Variants in ZNF385D observed in about 807,000 individuals in gnomAD.
The protein encoded by ZNF385D is zinc finger protein 659.
A neutral mutation model predicts 35.8 loss-of-function variants in ZNF385D; 15 were observed. The observed-to-expected ratio is 0.42, with a 90% confidence interval of 0.28 to 0.64. The LOEUF is 0.64. Among genes scored for constraint, ZNF385D ranks in the 30% least tolerant of loss-of-function variants. The pLI is 0.23. For missense variants in ZNF385D, 474 were observed against 494.6 expected, an observed-to-expected ratio of 0.96 and a Z score of 0.39; for synonymous variants, 212 against 186.8, an observed-to-expected ratio of 1.13 and a Z score of -1.10.
intron 3 of ZNF385D, among the ~76,000 whole-genome samples, chr3:21,759,578 A>G (rs1484403331): frequency 6.6e-6 from 1 of 152,176 alleles, no homozygotes; most frequent in Non-Finnish European, 1.5e-5. Flanking sequence ...TGGTGACACA[A>G]TAACATGAGT....
At chr3:21,981,644 A>G (rs1694458326) in intron 3 of ZNF385D, among the ~76,000 whole-genome samples, 1 of 152,090 alleles carries the variant, frequency 6.6e-6, no homozygotes, top group South Asian at 2.1e-4. Context: ...GCCTGTTCCT[A>G]TGTCCAGGGT....
chr3:21,467,904 C>G (rs1464424603), intron 4 of ZNF385D, among the ~76,000 whole-genome samples: 2 of 151,970 alleles, frequency 1.3e-5, no homozygotes, highest in Non-Finnish European at 2.9e-5. Flanking sequence ...GTAACACACA[C>G]TAGGGAGGCT....
intron 2 of ZNF385D, among the ~76,000 whole-genome samples, chr3:22,265,989 G>T (rs1378157359): frequency 6.6e-6 from 1 of 151,762 alleles, no homozygotes; most frequent in Non-Finnish European, 1.5e-5. Flanking sequence ...TCTATACTGG[G>T]ACCAGCTAAC....
intron 3 of ZNF385D, among the ~76,000 whole-genome samples, chr3:22,023,605 T>C (rs1697353084): frequency 1.3e-5 from 2 of 152,126 alleles, no homozygotes; most frequent in African/African-American, 2.4e-5. Flanking sequence ...ATGGAGAGAA[T>C]TTAATCAAAA....
chr3:21,914,102 A>G (rs1474990575), intron 3 of ZNF385D, among the ~76,000 whole-genome samples: 1 of 152,086 alleles, frequency 6.6e-6, no homozygotes, highest in Non-Finnish European at 1.5e-5. Context: ...AGACACATGT[A>G]GCCTACAGTT....
intron 3 of ZNF385D, among the ~76,000 whole-genome samples, chr3:21,923,626 G>T (rs1700584095): frequency 6.6e-6 from 1 of 152,166 alleles, no homozygotes. Flanking sequence ...ATCAGTGGTG[G>T]ACTGGATAAA....
At chr3:22,170,468 T>C (rs1027409581) in intron 2 of ZNF385D, among the ~76,000 whole-genome samples, 3 of 152,232 alleles carry the variant, frequency 2.0e-5, no homozygotes, top group Admixed American at 6.5e-5. Context: ...TTGAAGTCAC[T>C]ATCCAAATTC....
chr3:21,797,197 A>T (rs950540843), intron 3 of ZNF385D, among the ~76,000 whole-genome samples: 3 of 152,272 alleles, frequency 2.0e-5, no homozygotes, highest in Non-Finnish European at 2.9e-5. Flanking sequence ...ACCTCAGCAA[A>T]GAATACATAC....
At chr3:21,725,097 A>C (rs976370499) in intron 1 of ZNF385D, among the ~76,000 whole-genome samples, 3 of 152,196 alleles carry the variant, frequency 2.0e-5, no homozygotes, top group Non-Finnish European at 2.9e-5. Context: ...ATAAATAACA[A>C]AATGAGGGCA....
intron 3 of ZNF385D, among the ~76,000 whole-genome samples, chr3:22,063,564 A>C (rs946223480): frequency 6.6e-6 from 1 of 152,200 alleles, no homozygotes; most frequent in Admixed American, 6.5e-5. Flanking sequence ...CAATAGTTAC[A>C]TTACAAATAA....
At chr3:21,843,022 A>G (rs1360227640) in intron 3 of ZNF385D, among the ~76,000 whole-genome samples, 1 of 152,088 alleles carries the variant, frequency 6.6e-6, no homozygotes, top group Admixed American at 6.6e-5. Flanking sequence ...CTTATTTGAA[A>G]TAGTTTAGCA....
chr3:22,198,258 G>C (rs950992555), intron 2 of ZNF385D, among the ~76,000 whole-genome samples: 7 of 152,048 alleles, frequency 4.6e-5, no homozygotes, highest in African/African-American at 1.7e-4. Context: ...TAAAGATAAA[G>C]ATTGTATATT....
intron 3 of ZNF385D, among the ~76,000 whole-genome samples, chr3:21,820,270 G>C (rs758689891): frequency 5.6e-4 from 85 of 151,606 alleles, no homozygotes; most frequent in Admixed American, 8.5e-4. Flanking sequence ...CTCACATTCT[G>C]TGACCACAAG....
At chr3:22,317,603 C>G (rs1703972275) in intron 2 of ZNF385D, among the ~76,000 whole-genome samples, 1 of 152,122 alleles carries the variant, frequency 6.6e-6, no homozygotes, top group African/African-American at 2.4e-5. Flanking sequence ...ATTTACTGAC[C>G]CTCAAAATAA....
intron 2 of ZNF385D, among the ~76,000 whole-genome samples, chr3:22,331,825 T>A (rs981859707): frequency 3.5e-4 from 53 of 152,202 alleles, no homozygotes; most frequent in Non-Finnish European, 8.8e-5. Context: ...AATAATTGAA[T>A]TCGTAATCAT....
chr3:22,301,088 T>C (rs557853425), intron 2 of ZNF385D, among the ~76,000 whole-genome samples: 1 of 152,106 alleles, frequency 6.6e-6, no homozygotes, highest in Non-Finnish European at 1.5e-5. Context: ...CACAGTGTAA[T>C]ATTATGCAGC....
intron 4 of ZNF385D, among the ~76,000 whole-genome samples, chr3:21,454,104 C>T (rs1575173092): frequency 6.6e-6 from 1 of 151,914 alleles, no homozygotes; most frequent in Admixed American, 6.6e-5. Context: ...CACAAAATAC[C>T]ACACGTTGTA....
intron 2 of ZNF385D, among the ~76,000 whole-genome samples, chr3:22,215,256 G>C (rs780601831): frequency 6.6e-6 from 1 of 151,978 alleles, no homozygotes; most frequent in African/African-American, 2.4e-5. Context: ...AAAAGAGCAG[G>C]ATAACAGCAA....
At chr3:22,077,916 T>C (rs941375874) in intron 3 of ZNF385D, among the ~76,000 whole-genome samples, 3 of 152,156 alleles carry the variant, frequency 2.0e-5, no homozygotes, top group Admixed American at 6.6e-5. Context: ...CCATGTCTGA[T>C]ACCTGAAACC....
Sources: allele counts gnomAD v4.1 joint callset (sites outside exome capture counted in the v4.1 genomes callset), GRCh38; gene constraint gnomAD v4.1.1; transcripts MANE v1.5; gene names NCBI Gene and HGNC (gene_info 2026-07-23, HGNC 2026-07-21).